The following TANGO6 variants were observed in gnomAD, a reference collection of about 807,000 sequenced individuals.
TANGO6 encodes the protein transport and Golgi organization protein 6 homolog.
In TANGO6, 90 loss-of-function variants were observed where a neutral mutation model predicts 114.2. The observed-to-expected ratio is 0.79, with a 90% CI of 0.66 to 0.94. The LOEUF (loss-of-function observed/expected upper bound fraction) is 0.94. Ranked by LOEUF, TANGO6 falls within the 40% of genes least tolerant of loss-of-function variation. The pLI, the probability that TANGO6 is intolerant of heterozygous loss-of-function variation, is 0.00. For synonymous variants in TANGO6, 477 were observed against 509.8 expected (o/e 0.94, Z 0.87); for missense variants, 1,274 against 1,315.3 (o/e 0.97, Z 0.49).
chr16:68,868,382 T>C (rs553881462), intron 4 of TANGO6, among the ~76,000 whole-genome samples: 51 of 152,118 alleles, frequency 3.4e-4, no homozygotes, highest in African/African-American at 1.2e-3. Flanking sequence ...CTGAGACTTA[T>C]AGTGAAAAAT....
intron 17 of TANGO6, among the ~76,000 whole-genome samples, chr16:69,052,874 C>T (rs1246335455): frequency 1.3e-5 from 2 of 151,954 alleles, no homozygotes; most frequent in African/African-American, 2.4e-5. Flanking sequence ...TTTGGGAGGC[C>T]GAGGTGGGTG....
intron 17 of TANGO6, among the ~76,000 whole-genome samples, chr16:69,069,360 T>C (rs983272128): frequency 1.3e-5 from 2 of 152,238 alleles, no homozygotes; most frequent in African/African-American, 4.8e-5. Context: ...AATAGTCTCA[T>C]CTGTTCCCTC....
At chr16:69,028,744 G>A (rs952143786) in intron 16 of TANGO6, among the ~76,000 whole-genome samples, 2 of 150,564 alleles carry the variant, frequency 1.3e-5, no homozygotes, top group African/African-American at 4.9e-5. Context: ...TTAGAGATGG[G>A]GTCTTGCTGT....
intron 14 of TANGO6, among the ~76,000 whole-genome samples, chr16:68,958,364 C>G (rs1963555226): frequency 6.6e-6 from 1 of 151,014 alleles, no homozygotes; most frequent in African/African-American, 2.4e-5. Context: ...TGGTGCATGC[C>G]TGTAATCTCA....
intron 1 of TANGO6, among the ~76,000 whole-genome samples, chr16:68,854,618 GT>G (rs572025557): frequency 0.11 from 15,228 of 138,164 alleles, 775 homozygotes; most frequent in Non-Finnish European, 0.14. Flanking sequence ...AAAGGTCAAA[GT>G]TTTTTTTTTT....
chr16:69,083,248 A>G (rs1960492424), intron 17 of TANGO6, among the ~76,000 whole-genome samples: 1 of 151,666 alleles, frequency 6.6e-6, no homozygotes. Flanking sequence ...TTTTGTAGAG[A>G]TGGGGTTTTG....
At chr16:69,009,072 C>CTTTTTTTTTTTT (rs869092742) in intron 15 of TANGO6, among the ~76,000 whole-genome samples, 1 of 77,678 alleles carries the variant, frequency 1.3e-5, no homozygotes, top group Non-Finnish European at 2.5e-5. Flanking sequence ...GAGTTTATTT[C>CTTTTTTTTTTTT]TTTTTTTTTT....
In TANGO6 at chr16:68,965,809, T is replaced by C. The variant is rs538249569; in HGVS notation, c.2702-8219T>C. 5.3e-4 allele frequency among the ~76,000 whole-genome samples: 80 copies of C among 151,370 alleles called. 1 individual carries two copies. The highest frequency in any genetic ancestry group is 1.9e-3 in the African/African-American group (78 of 41,274). On this transcript the variant is annotated intron_variant, in intron 14 of 17. Coordinates refer to ENST00000261778, the MANE Select transcript of TANGO6 (RefSeq NM_024562.2). ...GCAAAACTCTGTCTCAAAATAACAA[T>C]AATAATAATAAAATTTTTAAAATAA...
intron 7 of TANGO6, among the ~76,000 whole-genome samples, chr16:68,881,167 A>G (rs1363238237): frequency 6.6e-6 from 1 of 152,246 alleles, no homozygotes; most frequent in African/African-American, 2.4e-5. Context: ...ATGTTGAAAT[A>G]GTTTAGTTTC....
chr16:69,026,002 C>CT (rs370610919), intron 16 of TANGO6: 443 of 144,306 alleles, frequency 3.1e-3, no homozygotes, highest in Middle Eastern at 3.7e-3. Context: ...CAAACTTTTT[C>CT]TTTTTTTTTT....
intron 14 of TANGO6, among the ~76,000 whole-genome samples, chr16:68,962,165 T>G (rs1963599452): frequency 6.6e-6 from 1 of 152,218 alleles, no homozygotes; most frequent in African/African-American, 2.4e-5. Flanking sequence ...ATAACCAACT[T>G]CCCCAGTTTG....
intron 14 of TANGO6, among the ~76,000 whole-genome samples, chr16:68,949,142 C>T (rs1017519343): frequency 9.9e-5 from 15 of 152,066 alleles, no homozygotes; most frequent in Admixed American, 5.9e-4. Context: ...GCCGAGATCG[C>T]GCCATTGCCC....
At chr16:68,972,324 C>T (rs189652677) in intron 14 of TANGO6, among the ~76,000 whole-genome samples, 2 of 151,886 alleles carry the variant, frequency 1.3e-5, no homozygotes, top group East Asian at 1.9e-4. Flanking sequence ...GCAGATGCGG[C>T]GGATAAGGCC....
chr16:69,049,595 C>G (rs1959916631), intron 17 of TANGO6, among the ~76,000 whole-genome samples: 1 of 151,254 alleles, frequency 6.6e-6, no homozygotes, highest in African/African-American at 2.4e-5. Flanking sequence ...CCATGCCTGG[C>G]TAATTTTTGT....
intron 17 of TANGO6, among the ~76,000 whole-genome samples, chr16:69,057,906 A>C (rs1327162388): frequency 6.6e-6 from 1 of 152,162 alleles, no homozygotes; most frequent in Non-Finnish European, 1.5e-5. Flanking sequence ...AGCACAGTCC[A>C]ACCACAGACT....
intron 15 of TANGO6, among the ~76,000 whole-genome samples, chr16:69,014,628 C>A (rs1399495282): frequency 6.6e-6 from 1 of 152,126 alleles, no homozygotes; most frequent in African/African-American, 2.4e-5. Flanking sequence ...GGCACAGTGG[C>A]TCACACTTAT....
chr16:68,849,772 A>G (rs977892619), intron 1 of TANGO6, among the ~76,000 whole-genome samples: 1 of 152,188 alleles, frequency 6.6e-6, no homozygotes, highest in African/African-American at 2.4e-5. Context: ...TTGAGTTCTT[A>G]CCAGTATTTC....
intron 17 of TANGO6, among the ~76,000 whole-genome samples, chr16:69,069,348 G>A (rs1000455461): frequency 2.6e-5 from 4 of 152,312 alleles, no homozygotes; most frequent in East Asian, 1.9e-4. Context: ...TCTCTGCCCC[G>A]TAATAGTCTC....
chr16:69,032,768 C>T (rs1313126631), intron 16 of TANGO6, among the ~76,000 whole-genome samples: 1 of 151,730 alleles, frequency 6.6e-6, no homozygotes, highest in African/African-American at 2.4e-5. Context: ...ATCCCCACTA[C>T]TGGGGAGGCT....
Sources: gnomAD v4.1 joint callset for allele counts (sites outside exome capture counted in the v4.1 genomes callset) on GRCh38, gnomAD v4.1.1 for gene constraint, MANE v1.5 for transcripts, NCBI Gene and HGNC (gene_info 2026-07-23, HGNC 2026-07-21) for gene names.